Variants in RASL12 observed in about 807,000 individuals in gnomAD.
The protein encoded by RASL12 is RAS like family 12, also known as ras-like protein family member 12.
A neutral mutation model predicts 22.9 loss-of-function variants in RASL12; 16 were observed. That is an observed-to-expected ratio of 0.70 (90% CI 0.47 to 1.06). The LOEUF is 1.06. RASL12 is among the 50% of genes least tolerant of loss of function. RASL12 has a pLI of 0.00. For missense variants in RASL12, 306 were observed against 353.1 expected, an observed-to-expected ratio of 0.87 and a Z score of 1.07; for synonymous variants, 159 against 152.2, an observed-to-expected ratio of 1.04 and a Z score of -0.33.
chr15:65,054,411 A>T lies in RASL12; in HGVS notation c.*488T>A. 1.0e-6 allele frequency: 1 copy of T among 988,962 alleles called. No homozygotes were observed. The highest frequency in any genetic ancestry group is 4.7e-5 in the South Asian group (1 of 21,444). The allele number at this position is 988,962 out of a possible 1,614,324, so 61.3% of individuals were successfully genotyped here. On this transcript the variant is annotated 3_prime_UTR_variant, in exon 5 of 5. Transcript: ENST00000220062. ...GAAGTCAGCAGATGACAGGAGGGCC[A>T]GGCTCTGGCCTCTGAAACTGCAGCC...
intron 2 of RASL12, among the ~76,000 whole-genome samples, chr15:65,062,408 C>G (rs1169648248): frequency 6.6e-6 from 1 of 152,206 alleles, no homozygotes; most frequent in East Asian, 1.9e-4. Flanking sequence ...CCTCTGACTC[C>G]AGGCCCTCTA....
intron 2 of RASL12, among the ~76,000 whole-genome samples, chr15:65,062,309 G>A (rs2086818625): frequency 6.6e-6 from 1 of 152,098 alleles, no homozygotes; most frequent in Non-Finnish European, 1.5e-5. Context: ...CCAGAAAACG[G>A]TGCAACTCTT....
downstream of RASL12, among the ~76,000 whole-genome samples, chr15:65,048,699 C>G (rs1482777974): frequency 6.6e-6 from 1 of 152,132 alleles, no homozygotes; most frequent in Non-Finnish European, 1.5e-5. Context: ...GTGTTTAATG[C>G]GTGTCCTTTT....
upstream of RASL12, among the ~76,000 whole-genome samples, chr15:65,071,739 C>T (rs1167195391): frequency 6.6e-6 from 1 of 152,112 alleles, no homozygotes; most frequent in South Asian, 2.1e-4. Flanking sequence ...CTGCCAGTTA[C>T]TAGGTGTCTG....
the RASL12 span, among the ~76,000 whole-genome samples, chr15:65,046,233 G>A: frequency 1.3e-5 from 2 of 152,220 alleles, no homozygotes; most frequent in African/African-American, 2.4e-5. Flanking sequence ...CTCGGGAGGC[G>A]GAGGTTGCAG....
At chr15:65,070,919 G>A (rs2140537372), upstream of RASL12, among the ~76,000 whole-genome samples, 1 of 152,292 alleles carries the variant, frequency 6.6e-6, no homozygotes, top group East Asian at 1.9e-4. Flanking sequence ...GCTTTTGTAA[G>A]TCAGTGGTGG....
downstream of RASL12, chr15:65,049,742 C>T (rs2086625013): frequency 2.8e-6 from 1 of 360,142 alleles, no homozygotes; most frequent in Non-Finnish European, 5.1e-6. Flanking sequence ...GTCACTCCCA[C>T]TTCCAGTCTC....
intron 2 of RASL12, among the ~76,000 whole-genome samples, chr15:65,062,230 C>T (rs1027884761): frequency 6.6e-6 from 1 of 152,168 alleles, no homozygotes; most frequent in Non-Finnish European, 1.5e-5. Flanking sequence ...TCCTGCGGGT[C>T]TCAGCACAGG....
At chr15:65,050,137 G>A, downstream of RASL12, 1 of 1,514,720 alleles carries the variant, frequency 6.6e-7, no homozygotes, top group Non-Finnish European at 9.0e-7. Context: ...GGGTGGGGGT[G>A]TGCCCCTCAA....
At chr15:65,061,771 C>T (rs1385603704) in intron 2 of RASL12, among the ~76,000 whole-genome samples, 3 of 152,108 alleles carry the variant, frequency 2.0e-5, no homozygotes, top group South Asian at 2.1e-4. Context: ...TATGTTGGGC[C>T]GGGCGTGGTG....
At chr15:65,067,352 G>A (rs1349243459) in intron 1 of RASL12, among the ~76,000 whole-genome samples, 1 of 152,044 alleles carries the variant, frequency 6.6e-6, no homozygotes, top group East Asian at 1.9e-4. Context: ...GCTGGCCCCA[G>A]GGTAGGTCAT....
rs2086705682 is a variant in RASL12, at chr15:65,054,923, G to A, written c.777C>T (p.Leu259=). The stretch of plus-strand genomic sequence containing the variant: ...CTCAGAAGATCTTGAAGCCCTTCAG[G>A]AGAGTCAGGGTAGGCGCCTTGCGCT... The part of the protein sequence containing the change: ...QSKRKAPTLT[L]LKGFKIF The change falls in exon 5 of 5, where the codon CTC becomes CTT. Residue 259 remains leucine, a synonymous_variant. Transcript: ENST00000220062. 6.2e-7 allele frequency: 1 copy of A among 1,613,754 alleles called. No homozygotes were observed. Among genetic ancestry groups the A allele is most frequent in the Non-Finnish European group, 8.5e-7 (1 of 1,179,842 alleles).
chr15:65,066,983 C>T (rs2086885626), intron 1 of RASL12, among the ~76,000 whole-genome samples: 1 of 152,372 alleles, frequency 6.6e-6, no homozygotes, highest in Admixed American at 6.5e-5. Context: ...AGCCCAAGAT[C>T]TTGGCTCATC....
intron 1 of RASL12, 21 bp downstream of exon 1, chr15:65,067,712 A>T: frequency 6.5e-7 from 1 of 1,535,838 alleles, no homozygotes; most frequent in Admixed American, 2.0e-5. Flanking sequence ...TTGGCGGCTC[A>T]GGCTCCCCGG....
At chr15:65,058,217 C>T (rs1247588796) in intron 4 of RASL12, among the ~76,000 whole-genome samples, 1 of 152,280 alleles carries the variant, frequency 6.6e-6, no homozygotes, top group Middle Eastern at 3.4e-3. Flanking sequence ...TGCAGTGAGC[C>T]GAGATGGTGC....
chr15:65,067,657 C>G (rs2086894599), intron 1 of RASL12, 76 bp downstream of exon 1: 4 of 1,464,594 alleles, frequency 2.7e-6, no homozygotes, highest in Admixed American at 2.4e-5. Context: ...AACCTGCCCC[C>G]AAGAGCACAG....
In RASL12 at chr15:65,062,033, A is replaced by T. The variant is rs1371349761; in HGVS notation, c.161-2615T>A. ...GAGGTGGAGCTTGCAGTGAGCCGAG[A>T]TTGCGCCACTGCACTCCAGCCTGGG... is the stretch of plus-strand genomic sequence containing the variant. On this transcript the variant is annotated intron_variant, in intron 2 of 4. Coordinates refer to ENST00000220062, the MANE Select transcript of RASL12 (RefSeq NM_016563.4). 1.2e-4 allele frequency among the ~76,000 whole-genome samples: 18 copies of T among 149,702 alleles called. No individual in the cohort carries two copies. In the East Asian group the frequency reaches 3.4e-3, roughly 28 times the overall value.
chr15:65,071,974 G>C (rs964759827), upstream of RASL12, among the ~76,000 whole-genome samples: 16 of 151,668 alleles, frequency 1.1e-4, no homozygotes, highest in African/African-American at 3.9e-4. Context: ...TCATTTCTAA[G>C]CCTTTGTTTC....
At chr15:65,057,995 G>C (rs1377655140) in intron 4 of RASL12, among the ~76,000 whole-genome samples, 3 of 152,214 alleles carry the variant, frequency 2.0e-5, no homozygotes, top group African/African-American at 7.2e-5. Context: ...CCTGTGGTCG[G>C]GCACGGTGGC....
Sources: gnomAD v4.1 joint callset for allele counts (sites outside exome capture counted in the v4.1 genomes callset) on GRCh38, gnomAD v4.1.1 for gene constraint, MANE v1.5 for transcripts, NCBI Gene and HGNC (gene_info 2026-07-23, HGNC 2026-07-21) for gene names.